The following PHF20 variants were observed in gnomAD, a reference collection of about 807,000 sequenced individuals.
PHF20 encodes the protein PHD finger protein 20.
A neutral mutation model predicts 113.5 loss-of-function variants in PHF20; 23 were observed. The ratio of observed to expected loss-of-function variants is 0.20; its 90% CI spans 0.15 to 0.29. The LOEUF (loss-of-function observed/expected upper bound fraction) is 0.29, where lower values mean the gene tolerates loss of function less well. PHF20 is among the 10% of genes least tolerant of loss of function. PHF20 has a pLI of 1.00. For missense variants in PHF20, 943 were observed against 1,219.6 expected, an observed-to-expected ratio of 0.77 and a Z score of 3.38; for synonymous variants, 434 against 457.3, an observed-to-expected ratio of 0.95 and a Z score of 0.65.
At chr20:35,889,416 C>T (rs2054806505) in intron 9 of PHF20, among the ~76,000 whole-genome samples, 1 of 151,702 alleles carries the variant, frequency 6.6e-6, no homozygotes, top group Non-Finnish European at 1.5e-5. Flanking sequence ...GGCTGGAGTG[C>T]AGTGGCACAA....
chr20:35,930,471 C>A (rs1001154793), intron 14 of PHF20, among the ~76,000 whole-genome samples: 4 of 152,020 alleles, frequency 2.6e-5, no homozygotes, highest in African/African-American at 7.3e-5. Context: ...GGCCCCACTC[C>A]TGGGCAACAT....
intron 4 of PHF20, among the ~76,000 whole-genome samples, chr20:35,849,217 T>A (rs2042675316): frequency 6.6e-6 from 1 of 151,958 alleles, no homozygotes; most frequent in Admixed American, 6.6e-5. Context: ...CCACCCAGAT[T>A]GTGAAGGAAA....
At chr20:35,805,434 G>A (rs1016721101) in intron 2 of PHF20, among the ~76,000 whole-genome samples, 7 of 150,270 alleles carry the variant, frequency 4.7e-5, no homozygotes, top group Non-Finnish European at 3.0e-5. Context: ...CCAGGCTGGA[G>A]TGCAGTGGCG....
intron 13 of PHF20, among the ~76,000 whole-genome samples, chr20:35,926,620 T>C (rs1396463983): frequency 2.0e-5 from 3 of 152,158 alleles, no homozygotes; most frequent in African/African-American, 4.8e-5. Context: ...CTCTGAGCCT[T>C]AGTTTCCTCA....
intron 1 of PHF20, among the ~76,000 whole-genome samples, chr20:35,772,781 G>T (rs1569109444): frequency 2.0e-5 from 3 of 151,994 alleles, no homozygotes; most frequent in African/African-American, 4.8e-5. Flanking sequence ...CTGTTATCGG[G>T]TCCTCAGATC....
chr20:35,856,580 G>A (rs1299882985), intron 4 of PHF20: 1 of 152,278 alleles, frequency 6.6e-6, no homozygotes, highest in Admixed American at 6.5e-5. Context: ...TGGCCTTGAA[G>A]AGCCTGCTTT....
At chr20:35,876,642 G>T (rs748681493) in intron 9 of PHF20, among the ~76,000 whole-genome samples, 6 of 152,104 alleles carry the variant, frequency 3.9e-5, no homozygotes, top group Non-Finnish European at 8.8e-5. Context: ...ATTCATTTAT[G>T]CAGTAAAACA....
At chr20:35,793,956 T>A (rs1156497892) in intron 1 of PHF20, among the ~76,000 whole-genome samples, 1 of 138,018 alleles carries the variant, frequency 7.2e-6, no homozygotes, top group Admixed American at 7.6e-5. Context: ...AGATTGCACC[T>A]TGCACGCTGG....
intron 9 of PHF20, among the ~76,000 whole-genome samples, chr20:35,883,512 C>T (rs1349654483): frequency 1.3e-5 from 2 of 152,150 alleles, no homozygotes; most frequent in Non-Finnish European, 2.9e-5. Context: ...TGTCACGGCT[C>T]ACTGCAGTGT....
chr20:35,918,837 C>T (rs1039655416), intron 13 of PHF20, among the ~76,000 whole-genome samples: 3 of 152,080 alleles, frequency 2.0e-5, no homozygotes, highest in Non-Finnish European at 4.4e-5. Context: ...TATATTATAG[C>T]GTTAATGGGG....
intron 5 of PHF20, among the ~76,000 whole-genome samples, chr20:35,861,903 C>A (rs2054224473): frequency 6.6e-6 from 1 of 152,100 alleles, no homozygotes; most frequent in Admixed American, 6.6e-5. Flanking sequence ...AACCTATGTG[C>A]CTAGTGTGTG....
At position 35,947,935 on chromosome 20, in the gene PHF20, G is replaced by A. The variant is rs1048694158; in HGVS notation, c.*308G>A. ...TGAAATTGTGCCACTGATGATAAAC[G>A]GAATGAGAGCCAAAAAAGTTTAGTT... On this transcript the variant is annotated 3_prime_UTR_variant, in exon 18 of 18. Coordinates refer to ENST00000374012, the MANE Select transcript of PHF20 (RefSeq NM_016436.5). 9 of 246,606 alleles carry A rather than the reference G, an allele frequency of 3.6e-5. No homozygotes were observed. The highest frequency in any genetic ancestry group is 1.2e-4 in the South Asian group (1 of 8,518). 15.3% of individuals were successfully genotyped at this position (246,606 alleles called of 1,614,324 possible).
intron 5 of PHF20, among the ~76,000 whole-genome samples, chr20:35,862,770 C>G (rs1353177672): frequency 2.0e-5 from 3 of 152,110 alleles, no homozygotes; most frequent in Non-Finnish European, 4.4e-5. Context: ...ATTTTATTTT[C>G]TAGTGACTTA....
intron 4 of PHF20, chr20:35,849,418 A>G (rs2042679296): frequency 2.1e-6 from 1 of 470,768 alleles, no homozygotes; most frequent in Admixed American, 2.4e-5. Flanking sequence ...TTCAAAGTAG[A>G]ATGAAGTAGG....
intron 15 of PHF20, among the ~76,000 whole-genome samples, chr20:35,932,073 T>G (rs2055767776): frequency 6.6e-6 from 1 of 150,618 alleles, no homozygotes; most frequent in Non-Finnish European, 1.5e-5. Context: ...TCTGAGTGTT[T>G]TTTTTTTTTT....
chr20:35,916,235 G>A (rs1054888439), intron 12 of PHF20, among the ~76,000 whole-genome samples: 3 of 152,268 alleles, frequency 2.0e-5, no homozygotes, highest in African/African-American at 7.2e-5. Context: ...AATGGTGTCA[G>A]TAGACTTTCA....
intron 10 of PHF20, among the ~76,000 whole-genome samples, chr20:35,909,867 A>G (rs2055265683): frequency 6.6e-6 from 1 of 152,120 alleles, no homozygotes; most frequent in Non-Finnish European, 1.5e-5. Flanking sequence ...GGTGCTGGAG[A>G]GTCAGACCAA....
intron 5 of PHF20, among the ~76,000 whole-genome samples, chr20:35,859,551 T>TC (rs1053093787): frequency 6.6e-6 from 1 of 151,612 alleles, no homozygotes; most frequent in African/African-American, 2.4e-5. Context: ...GTTTTTGGTT[T>TC]TTTTTTTTTT....
chr20:35,802,849 G>A (rs1367278203), intron 2 of PHF20, among the ~76,000 whole-genome samples: 5 of 149,974 alleles, frequency 3.3e-5, no homozygotes, highest in African/African-American at 1.2e-4. Context: ...TGAGCCAGGA[G>A]AATTGCTTGA....
Sources: allele counts gnomAD v4.1 joint callset (sites outside exome capture counted in the v4.1 genomes callset), GRCh38; gene constraint gnomAD v4.1.1; transcripts MANE v1.5; gene names NCBI Gene and HGNC (gene_info 2026-07-23, HGNC 2026-07-21).